The following HSD17B12 variants were observed in gnomAD, a reference collection of about 807,000 sequenced individuals.
HSD17B12 encodes the protein hydroxysteroid 17-beta dehydrogenase 12.
Under a neutral mutation model 39.3 loss-of-function variants are expected in HSD17B12, and 32 were observed. That is an observed-to-expected ratio of 0.81 (90% CI 0.61 to 1.09). The LOEUF (loss-of-function observed/expected upper bound fraction) is 1.09, where lower values mean the gene tolerates loss of function less well. Ranked by LOEUF, HSD17B12 falls within the 50% of genes least tolerant of loss-of-function variation. The pLI, the probability that HSD17B12 is intolerant of heterozygous loss-of-function variation, is 0.00. For synonymous variants in HSD17B12, 150 were observed against 146.7 expected (o/e 1.02, Z -0.16); for missense variants, 342 against 382.9 (o/e 0.89, Z 0.89).
chr11:43,666,175 C>T, the HSD17B12 span, among the ~76,000 whole-genome samples: 1 of 152,098 alleles, frequency 6.6e-6, no homozygotes, highest in African/African-American at 2.4e-5. Flanking sequence ...TCCATTTTCT[C>T]AATATCTGGG....
chr11:43,678,639 A>T (rs1198540319), upstream of HSD17B12, among the ~76,000 whole-genome samples: 1 of 152,012 alleles, frequency 6.6e-6, no homozygotes, highest in African/African-American at 2.4e-5. Flanking sequence ...ATCCAGTTTC[A>T]GCTTCCTACA....
At chr11:43,778,101 G>GA (rs1389859489) in intron 3 of HSD17B12, among the ~76,000 whole-genome samples, 7 of 151,520 alleles carry the variant, frequency 4.6e-5, no homozygotes, top group Non-Finnish European at 1.0e-4. Context: ...GACTAATAAA[G>GA]AAAAAAAGAG....
chr11:43,613,538 G>A, the HSD17B12 span, among the ~76,000 whole-genome samples: 6 of 152,012 alleles, frequency 3.9e-5, no homozygotes, highest in Non-Finnish European at 8.8e-5. Context: ...AAAAATGTAA[G>A]CAGGGAAACC....
chr11:43,632,006 T>G, the HSD17B12 span, among the ~76,000 whole-genome samples: 6 of 151,774 alleles, frequency 4.0e-5, no homozygotes, highest in East Asian at 1.2e-3. Context: ...AGTGTGTGAG[T>G]GAGGGAGGGG....
the HSD17B12 span, chr11:43,581,507 A>G: frequency 8.3e-6 from 4 of 484,612 alleles, no homozygotes; most frequent in African/African-American, 7.8e-5. The surrounding 1 kb of genome is among the most constrained non-coding windows in gnomAD (Gnocchi z 4.9). Context: ...GACGGCAGCC[A>G]TCCAGCGATC....
At chr11:43,596,946 C>T in the HSD17B12 span, among the ~76,000 whole-genome samples, 18 of 152,326 alleles carry the variant, frequency 1.2e-4, no homozygotes, top group Admixed American at 7.8e-4. Flanking sequence ...CATTTATGAA[C>T]GCCTGAAATG....
At chr11:43,701,962 C>T (rs927689956) in intron 1 of HSD17B12, among the ~76,000 whole-genome samples, 3 of 152,176 alleles carry the variant, frequency 2.0e-5, no homozygotes, top group African/African-American at 4.8e-5. Flanking sequence ...AATCCATGAA[C>T]ATGGAATATC....
chr11:43,799,538 C>A (rs1384737812), intron 4 of HSD17B12, among the ~76,000 whole-genome samples: 1 of 152,112 alleles, frequency 6.6e-6, no homozygotes, highest in African/African-American at 2.4e-5. Flanking sequence ...AACTTTCCCA[C>A]CGCTCTTTGA....
the HSD17B12 span, among the ~76,000 whole-genome samples, chr11:43,660,992 G>A: frequency 6.6e-6 from 1 of 152,176 alleles, no homozygotes; most frequent in Non-Finnish European, 1.5e-5. Flanking sequence ...GGGTGTGGTG[G>A]TGCATTCCTG....
chr11:43,702,752 T>C lies in HSD17B12; in HGVS notation c.160+21765T>C, dbSNP rs554019810. ...GGGCCACATGTGGCCCAGGATGGCT[T>C]TGAATTGTGGCCCAACACAAATTTC... is the stretch of plus-strand genomic sequence containing the variant. On this transcript the variant is annotated intron_variant, in intron 1 of 10. Coordinates refer to ENST00000278353, the MANE Select transcript of HSD17B12 (RefSeq NM_016142.3). Among the ~76,000 whole-genome samples the C allele has an allele frequency of 3.9e-5, 6 of 152,230 alleles. 1 individual carries two copies. Among genetic ancestry groups the C allele is most frequent in the Non-Finnish European group, 8.8e-5 (6 of 68,042 alleles).
intron 1 of HSD17B12, among the ~76,000 whole-genome samples, chr11:43,686,409 T>C (rs1266685981): frequency 6.6e-6 from 1 of 152,144 alleles, no homozygotes; most frequent in Non-Finnish European, 1.5e-5. Context: ...TTTCAAGTAC[T>C]AGTGCTGGAG....
the HSD17B12 span, among the ~76,000 whole-genome samples, chr11:43,558,702 G>A: frequency 2.0e-5 from 3 of 152,074 alleles, no homozygotes; most frequent in African/African-American, 4.8e-5. Context: ...CCATCTGAGC[G>A]GGGATGTAAT....
chr11:43,666,099 A>G, the HSD17B12 span, among the ~76,000 whole-genome samples: 11 of 152,062 alleles, frequency 7.2e-5, no homozygotes, highest in Non-Finnish European at 1.5e-4. Flanking sequence ...TTTCCACTCC[A>G]GTCATGCTAC....
chr11:43,630,895 C>G, the HSD17B12 span, among the ~76,000 whole-genome samples: 4 of 151,998 alleles, frequency 2.6e-5, no homozygotes, highest in East Asian at 1.9e-4. Flanking sequence ...GCCTCCACCC[C>G]CCAGGTTCAA....
At chr11:43,777,656 G>C (rs1950720423) in intron 3 of HSD17B12, among the ~76,000 whole-genome samples, 1 of 152,164 alleles carries the variant, frequency 6.6e-6, no homozygotes, top group African/African-American at 2.4e-5. Flanking sequence ...GAATAGGAGT[G>C]GTAAGAGAGG....
rs114740860 is a variant in HSD17B12 at position 43,773,717 on chromosome 11, A to G, written c.283+19596A>G. On this transcript the variant is annotated intron_variant, in intron 3 of 10. Coordinates refer to ENST00000278353, the MANE Select transcript of HSD17B12 (RefSeq NM_016142.3). ...CACATCGTTATCACCTAAAGTTCAT[A>G]GTGCAGTGTAAATTTTTCATGGCCT... Among the ~76,000 whole-genome samples, 1,003 of 152,262 alleles carry G rather than the reference A, an allele frequency of 6.6e-3. 18 individuals carry two copies. Among genetic ancestry groups the G allele is most frequent in the African/African-American group, 0.023 (941 of 41,544 alleles).
At chr11:43,670,899 A>T in the HSD17B12 span, among the ~76,000 whole-genome samples, 1 of 152,152 alleles carries the variant, frequency 6.6e-6, no homozygotes, top group Non-Finnish European at 1.5e-5. Flanking sequence ...CAAATTTTTA[A>T]AAAAGATTAT....
chr11:43,603,266 A>G, the HSD17B12 span, among the ~76,000 whole-genome samples: 2 of 152,198 alleles, frequency 1.3e-5, no homozygotes, highest in Non-Finnish European at 2.9e-5. Flanking sequence ...GCAGGCATGA[A>G]CATACATCAG....
At chr11:43,568,959 C>A in the HSD17B12 span, among the ~76,000 whole-genome samples, 1 of 152,218 alleles carries the variant, frequency 6.6e-6, no homozygotes, top group Non-Finnish European at 1.5e-5. Context: ...TGGTCTCTCA[C>A]CAGTCCACAT....
Sources: allele counts gnomAD v4.1 joint callset (sites outside exome capture counted in the v4.1 genomes callset), GRCh38; gene constraint gnomAD v4.1.1; non-coding constraint Gnocchi (gnomAD v3.1); transcripts MANE v1.5; gene names NCBI Gene and HGNC (gene_info 2026-07-23, HGNC 2026-07-21).